The following CADPS variants were observed in gnomAD, a reference collection of about 807,000 sequenced individuals.
CADPS encodes calcium-dependent secretion activator 1.
In CADPS, 57 loss-of-function variants were observed where a neutral mutation model predicts 167.3. The ratio of observed to expected loss-of-function variants is 0.34; its 90% CI spans 0.28 to 0.42. The LOEUF is 0.42. CADPS is among the 20% of genes least tolerant of loss of function. CADPS has a pLI of 1.00. For synonymous variants in CADPS, 676 were observed against 635.3 expected (o/e 1.06, Z -0.96); for missense variants, 1,414 against 1,738.1 (o/e 0.81, Z 3.32).
intron 1 of CADPS, among the ~76,000 whole-genome samples, chr3:62,844,431 A>AT (rs2153059779): frequency 6.6e-6 from 1 of 152,198 alleles, no homozygotes; most frequent in East Asian, 1.9e-4. Flanking sequence ...CTTAGTTCAC[A>AT]TTTTTTCATG....
At chr3:62,715,125 T>G (rs755365371) in intron 3 of CADPS, among the ~76,000 whole-genome samples, 12 of 152,212 alleles carry the variant, frequency 7.9e-5, no homozygotes, top group Non-Finnish European at 1.2e-4. Context: ...GTTTGAAATC[T>G]GCTTCAAAAT....
chr3:62,661,289 G>C (rs1285669285), intron 4 of CADPS, among the ~76,000 whole-genome samples: 1 of 152,102 alleles, frequency 6.6e-6, no homozygotes, highest in Non-Finnish European at 1.5e-5. Flanking sequence ...GCGATCTGAC[G>C]GGAACACAAA....
intron 3 of CADPS, among the ~76,000 whole-genome samples, chr3:62,722,324 G>A (rs571905124): frequency 6.6e-6 from 1 of 152,362 alleles, no homozygotes; most frequent in South Asian, 2.1e-4. Flanking sequence ...AGCTTTGGAA[G>A]TCCCTTCAGA....
chr3:62,784,676 C>T (rs184428160), intron 1 of CADPS, among the ~76,000 whole-genome samples: 254 of 150,074 alleles, frequency 1.7e-3, no homozygotes, highest in South Asian at 0.011. Flanking sequence ...ATAATACCAA[C>T]GGGTGTAACC....
chr3:62,599,439 C>G (rs1259694907), intron 6 of CADPS, among the ~76,000 whole-genome samples: 1 of 129,260 alleles, frequency 7.7e-6, no homozygotes, highest in Non-Finnish European at 1.6e-5. Context: ...AGTTTCTGAC[C>G]TCAAAGCCCA....
At position 62,662,303 on chromosome 3, in the gene CADPS, T is replaced by C; in HGVS notation, c.969+11A>G. ...CCTGGACCCCAGCAAACAACCACAA[T>C]GTTTCCTTACCCTGGCTATTTGGTC... On this transcript the variant is annotated intron_variant, in intron 4 of 29. Coordinates refer to ENST00000383710, the MANE Select transcript of CADPS (RefSeq NM_003716.4). 1 of 1,612,232 alleles carries C rather than the reference T, an allele frequency of 6.2e-7. No homozygotes were observed. Among genetic ancestry groups the C allele is most frequent in the Non-Finnish European group, 8.5e-7 (1 of 1,178,382 alleles).
rs1411684083 is a variant in CADPS at position 62,532,862 on chromosome 3, C to T, written c.2291+9G>A. 6.2e-7 allele frequency: 1 copy of T among 1,613,024 alleles called. No homozygotes were observed. The highest frequency in any genetic ancestry group is 8.5e-7 in the Non-Finnish European group (1 of 1,179,342). ...AGGATCACCTCTAGACACACGAACA[C>T]ACACTTACCTGTTCCCATGGACATG... On this transcript the variant is annotated intron_variant, in intron 13 of 29. Transcript: ENST00000383710.
At chr3:62,729,839 G>A (rs561675387) in intron 3 of CADPS, among the ~76,000 whole-genome samples, 2 of 151,870 alleles carry the variant, frequency 1.3e-5, no homozygotes, top group South Asian at 4.1e-4. Flanking sequence ...AGTGCTGCCT[G>A]CCAAGTATTT....
intron 6 of CADPS, among the ~76,000 whole-genome samples, chr3:62,593,556 G>A (rs1271587783): frequency 6.6e-6 from 1 of 152,158 alleles, no homozygotes; most frequent in Non-Finnish European, 1.5e-5. Flanking sequence ...CTGAGCCCCA[G>A]GTCCAGGGCA....
At chr3:62,868,093 A>G (rs75743034) in intron 1 of CADPS, among the ~76,000 whole-genome samples, 2,115 of 152,200 alleles carry the variant, frequency 0.014, 38 homozygotes, top group African/African-American at 0.048. Flanking sequence ...AACAGAAATC[A>G]TATCACATGC....
In CADPS at chr3:62,475,603, A is replaced by C. The variant is rs1042149425; in HGVS notation, c.3330-1283T>G. ...TCTTAAGAAAAAAAAAAAAAAAAAA[A>C]AAAAAAAAACACCTAAAAATCCCAA... On this transcript the variant is annotated intron_variant, in intron 23 of 29. Transcript: ENST00000383710. 1.0e-3 allele frequency among the ~76,000 whole-genome samples: 152 copies of C among 149,648 alleles called. 1 individual carries two copies. The highest frequency in any genetic ancestry group is 3.1e-3 in the African/African-American group (128 of 41,098).
At chr3:62,500,661 A>G (rs11130882) in intron 17 of CADPS, 1 of 151,850 alleles carries the variant, frequency 6.6e-6, no homozygotes, top group East Asian at 1.9e-4. Flanking sequence ...ATTTCTTTTC[A>G]TCTCTTCATC....
chr3:62,824,166 C>CAAAAAAAAAAA (rs3047274), intron 1 of CADPS, among the ~76,000 whole-genome samples: 1 of 126,656 alleles, frequency 7.9e-6, no homozygotes, highest in Non-Finnish European at 1.7e-5. Context: ...GCTATAACTT[C>CAAAAAAAAAAA]AAAAAAAAAA....
intron 28 of CADPS, among the ~76,000 whole-genome samples, chr3:62,424,377 G>A (rs960963400): frequency 6.6e-6 from 1 of 152,096 alleles, no homozygotes; most frequent in Non-Finnish European, 1.5e-5. Context: ...TAGAGATGGG[G>A]TTTTACCGTG....
chr3:62,659,614 G>T, intron 4 of CADPS, among the ~76,000 whole-genome samples: 1 of 152,146 alleles, frequency 6.6e-6, no homozygotes, highest in East Asian at 1.9e-4. Flanking sequence ...ATTGCTACAG[G>T]TATCTTTCTA....
In CADPS at chr3:62,686,810, T is replaced by C. The variant is rs574880533; in HGVS notation, c.889-24416A>G. Among the ~76,000 whole-genome samples the C allele has an allele frequency of 2.6e-5, 4 of 152,256 alleles. No homozygotes were observed. In the South Asian group the frequency reaches 6.2e-4, roughly 24 times the overall value. On this transcript the variant is annotated intron_variant, in intron 3 of 29. Transcript: ENST00000383710. ...GACCTTTTATTTAACATTATGCATT[T>C]TGATAGCATCTTTTGCTTACAGAGC...
At chr3:62,578,327 A>AT (rs2082701538) in intron 8 of CADPS, among the ~76,000 whole-genome samples, 1 of 152,028 alleles carries the variant, frequency 6.6e-6, no homozygotes, top group Admixed American at 6.6e-5. Flanking sequence ...AGAAGACATA[A>AT]CAGCCGGGTG....
Position 62,466,551 on chromosome 3 carries a change from T to A in CADPS, c.3478-138A>T, listed in dbSNP as rs75473593. The A allele has an allele frequency of 2.6e-3, 1,821 of 695,852 alleles. 13 individuals are homozygous for A. Among genetic ancestry groups the A allele is most frequent in the Non-Finnish European group, 3.8e-3 (1,457 of 381,462 alleles). 43.1% of individuals were successfully genotyped at this position (695,852 alleles called of 1,614,324 possible). On this transcript the variant is annotated intron_variant, in intron 24 of 29. Transcript: ENST00000383710. ...TTATTTCCTTAGTCCCAGAAATATT[T>A]ATAAGATCCTGACTCCAGTTCTTTG...
chr3:62,761,092 C>T (rs969667466), intron 2 of CADPS, among the ~76,000 whole-genome samples: 1 of 152,158 alleles, frequency 6.6e-6, no homozygotes, highest in Non-Finnish European at 1.5e-5. Flanking sequence ...TATTAAGTGT[C>T]TGTTATATCT....
Sources: allele counts gnomAD v4.1 joint callset (sites outside exome capture counted in the v4.1 genomes callset), GRCh38; gene constraint gnomAD v4.1.1; transcripts MANE v1.5; gene names NCBI Gene and HGNC (gene_info 2026-07-23, HGNC 2026-07-21).